Variants in PAN3 observed in about 807,000 individuals in gnomAD.
PAN3 encodes poly(A) specific ribonuclease subunit PAN3, also known as PAN2-PAN3 deadenylation complex subunit PAN3.
A neutral mutation model predicts 96.2 loss-of-function variants in PAN3; 19 were observed. That is an observed-to-expected ratio of 0.20 (90% CI 0.14 to 0.29). The LOEUF (loss-of-function observed/expected upper bound fraction) is 0.29. PAN3 is among the 10% of genes least tolerant of loss of function. The pLI is 1.00. For synonymous variants in PAN3, 433 were observed against 406.6 expected, an observed-to-expected ratio of 1.06 and a Z score of -0.78; for missense variants, 882 against 1,108.1, an observed-to-expected ratio of 0.80 and a Z score of 2.90.
At chr13:28,200,443 A>G (rs1002264696) in intron 5 of PAN3, among the ~76,000 whole-genome samples, 6 of 152,216 alleles carry the variant, frequency 3.9e-5, no homozygotes, top group Admixed American at 2.0e-4. Flanking sequence ...ACCAACTAAC[A>G]AGAAACTTAA....
At chr13:28,225,304 ATAGT>A (rs1441079932) in intron 6 of PAN3, among the ~76,000 whole-genome samples, 3 of 152,232 alleles carry the variant, frequency 2.0e-5, no homozygotes, top group African/African-American at 7.2e-5. Flanking sequence ...TAGACTAAAA[ATAGT>A]TATTTACTCT....
At chr13:28,239,739 T>G in intron 6 of PAN3, 1 of 1,133,310 alleles carries the variant, frequency 8.8e-7, no homozygotes, top group Non-Finnish European at 1.2e-6. Context: ...TCAGCAACTT[T>G]TAATTCCCCT....
In PAN3 at chr13:28,138,618, C is replaced by A; in HGVS notation, c.-40C>A. ...CCGTCTATGGTGGTGGCGGCGGCGG[C>A]TCCTCGGGCGGCGGCGGAAGACGAG... is the stretch of plus-strand genomic sequence containing the variant. On this transcript the variant is annotated 5_prime_UTR_variant, in exon 1 of 19. Coordinates refer to ENST00000380958, the MANE Select transcript of PAN3 (RefSeq NM_175854.8). 1 of 495,172 alleles carries A rather than the reference C, an allele frequency of 2.0e-6. No individual in the cohort carries two copies. The highest frequency in any genetic ancestry group is 3.7e-5 in the South Asian group (1 of 26,754). The allele number at this position is 495,172 out of a possible 1,614,324, so 30.7% of individuals were successfully genotyped here.
chr13:28,153,230 C>T (rs888159737), intron 1 of PAN3, among the ~76,000 whole-genome samples: 45 of 140,622 alleles, frequency 3.2e-4, no homozygotes, highest in South Asian at 2.2e-4. Flanking sequence ...ATGTATAATA[C>T]GCTTTTTTTT....
intron 1 of PAN3, among the ~76,000 whole-genome samples, chr13:28,149,440 AT>A (rs1348486454): frequency 6.6e-6 from 1 of 152,096 alleles, no homozygotes; most frequent in African/African-American, 2.4e-5. Context: ...CCCCGGTAAA[AT>A]TTTTCTCCCC....
intron 5 of PAN3, among the ~76,000 whole-genome samples, chr13:28,208,200 T>C (rs1448463357): frequency 6.6e-6 from 1 of 152,214 alleles, no homozygotes; most frequent in East Asian, 1.9e-4. Context: ...GTATTATAAA[T>C]TACTGTGGAA....
At position 28,288,026 on chromosome 13, in the gene PAN3, T is replaced by C. The variant is rs1869206731; in HGVS notation, c.2427T>C (p.Tyr809=). Reference sequence around the variant, plus strand: ...CTTGGTCAGAGACTGGAGACCGTTATCTGTTGAAACTCTTTAGGGATCATC... The same window carrying C: ...CTTGGTCAGAGACTGGAGACCGTTACCTGTTGAAACTCTTTAGGGATCATC... ...DPTWSETGDR[Y]LLKLFRDHLF... The change falls in exon 18 of 19, where the codon TAT becomes TAC. Residue 809 remains tyrosine, a synonymous_variant. Transcript: ENST00000380958. 7.4e-6 allele frequency: 12 copies of C among 1,613,506 alleles called. No homozygotes were observed. Among genetic ancestry groups the C allele is most frequent in the Non-Finnish European group, 1.0e-5 (12 of 1,179,678 alleles).
At chr13:28,218,781 G>A (rs566725676) in intron 5 of PAN3, among the ~76,000 whole-genome samples, 3 of 152,242 alleles carry the variant, frequency 2.0e-5, no homozygotes, top group Admixed American at 1.3e-4. Flanking sequence ...GGTAATACCT[G>A]TTTCTCAGGA....
chr13:28,290,955 T>TC (rs1869675074), intron 18 of PAN3, among the ~76,000 whole-genome samples: 1 of 152,042 alleles, frequency 6.6e-6, no homozygotes, highest in Non-Finnish European at 1.5e-5. Flanking sequence ...ATTAGGATAA[T>TC]ATTAAATTCA....
intron 5 of PAN3, among the ~76,000 whole-genome samples, chr13:28,199,072 T>C (rs1355502284): frequency 6.6e-6 from 1 of 152,212 alleles, no homozygotes; most frequent in Non-Finnish European, 1.5e-5. Context: ...AACAGTATAG[T>C]TTTTTTAACT....
chr13:28,291,895 T>C (rs866818738), intron 18 of PAN3, among the ~76,000 whole-genome samples: 34 of 152,312 alleles, frequency 2.2e-4, no homozygotes, highest in African/African-American at 7.9e-4. Flanking sequence ...AACAATTTGG[T>C]TCTATGTACT....
chr13:28,236,783 T>C (rs982707456), intron 6 of PAN3, among the ~76,000 whole-genome samples: 21 of 152,306 alleles, frequency 1.4e-4, no homozygotes, highest in Admixed American at 1.0e-3. Context: ...TTCTTTTTAT[T>C]TTTGTAGAGA....
intron 13 of PAN3, 54 bp from the exon 14 acceptor site, chr13:28,271,927 A>C (rs1318811622): frequency 3.1e-6 from 4 of 1,285,784 alleles, no homozygotes; most frequent in Non-Finnish European, 4.2e-6. Context: ...ATGAGTATGC[A>C]ATTTTTTAAA....
At chr13:28,212,547 G>A (rs934289162) in intron 5 of PAN3, among the ~76,000 whole-genome samples, 1 of 152,104 alleles carries the variant, frequency 6.6e-6, no homozygotes, top group Non-Finnish European at 1.5e-5. Flanking sequence ...AAATAGTTAC[G>A]TGAAAACATC....
At chr13:28,166,349 A>T (rs1010764063) in intron 1 of PAN3, among the ~76,000 whole-genome samples, 1 of 152,234 alleles carries the variant, frequency 6.6e-6, no homozygotes, top group Non-Finnish European at 1.5e-5. Flanking sequence ...AACAACATTA[A>T]ATCTGGATGC....
intron 6 of PAN3, among the ~76,000 whole-genome samples, chr13:28,254,346 A>G (rs1010619919): frequency 1.3e-5 from 2 of 152,198 alleles, no homozygotes; most frequent in Non-Finnish European, 2.9e-5. Flanking sequence ...GTGAGGATTA[A>G]GTAGATTGAT....
intron 6 of PAN3, among the ~76,000 whole-genome samples, chr13:28,238,499 A>C (rs1480367666): frequency 1.3e-5 from 2 of 152,242 alleles, no homozygotes; most frequent in African/African-American, 4.8e-5. Context: ...ATTGTATTTC[A>C]CAAGTCTGAG....
intron 14 of PAN3, among the ~76,000 whole-genome samples, chr13:28,274,194 T>C (rs1216484074): frequency 6.6e-6 from 1 of 152,214 alleles, no homozygotes; most frequent in Non-Finnish European, 1.5e-5. Context: ...AGCATCATTC[T>C]GTTCTTCTGC....
chr13:28,279,095 G>A (rs1887267924), intron 15 of PAN3, among the ~76,000 whole-genome samples: 2 of 151,882 alleles, frequency 1.3e-5, no homozygotes, highest in African/African-American at 2.4e-5. Context: ...GTGAGTAGGA[G>A]GCTGCTTTCA....
Sources: allele counts gnomAD v4.1 joint callset (sites outside exome capture counted in the v4.1 genomes callset), GRCh38; gene constraint gnomAD v4.1.1; transcripts MANE v1.5; gene names NCBI Gene and HGNC (gene_info 2026-07-23, HGNC 2026-07-21).